NUDT14: variants seen among roughly 807,000 people sequenced by gnomAD.
NUDT14 encodes nudix hydrolase 14.
In NUDT14, 22 loss-of-function variants were observed where a neutral mutation model predicts 17.5. The observed-to-expected ratio is 1.26, with a 90% CI of 0.90 to 1.80. The LOEUF (loss-of-function observed/expected upper bound fraction) is 1.80. Among genes scored for constraint, NUDT14 ranks in the 40% most tolerant of loss-of-function variants. NUDT14 has a pLI of 0.00. For missense variants in NUDT14, 296 were observed against 295.6 expected, an observed-to-expected ratio of 1.00 and a Z score of -0.01; for synonymous variants, 129 against 125.8, an observed-to-expected ratio of 1.03 and a Z score of -0.17.
In NUDT14 at chr14:105,172,959, T is replaced by G. The variant is rs762510869; in HGVS notation, c.*62A>C. 184 of 1,429,554 alleles carry G rather than the reference T, an allele frequency of 1.3e-4. No homozygotes were observed. The highest frequency in any genetic ancestry group is 1.6e-4 in the Non-Finnish European group (175 of 1,087,548). The allele number at this position is 1,429,554 out of a possible 1,614,324, so 88.6% of individuals were successfully genotyped here. On this transcript the variant is annotated 3_prime_UTR_variant, in exon 5 of 5. Transcript: ENST00000392568. ...GAAGCTGGAGCTATGCAAGCCTTTA[T>G]TGGGGTCCGCGGGGTGTGGGGTGAG...
At chr14:105,177,384 C>T (rs1889239362) in intron 2 of NUDT14, 5 of 545,882 alleles carry the variant, frequency 9.2e-6, no homozygotes, top group Non-Finnish European at 1.7e-5. Context: ...CCTCGAGCCA[C>T]GTCGCCATCC....
At chr14:105,177,853 G>A (rs1889249716) in intron 1 of NUDT14, 118 bp from the exon 2 acceptor site, 2 of 905,750 alleles carry the variant, frequency 2.2e-6, no homozygotes, top group Non-Finnish European at 3.4e-6. Context: ...CTCGTGGCCT[G>A]GGCCCACGGG....
intron 1 of NUDT14, among the ~76,000 whole-genome samples, chr14:105,178,621 C>T (rs587654855): frequency 4.3e-4 from 66 of 152,324 alleles, no homozygotes; most frequent in African/African-American, 8.2e-4. Flanking sequence ...GTCCCATCTC[C>T]GGCACGCTCA....
rs1889316043 is a variant in NUDT14, at chr14:105,181,053, G to A, written c.81+76C>T. ...GCTCCGGGGCGGGGCCGGCAGCGCG[G>A]AAGATGGTGGGCGGGGCGCGGGTCG... On this transcript the variant is annotated intron_variant, in intron 1 of 4. Coordinates refer to ENST00000392568, the MANE Select transcript of NUDT14 (RefSeq NM_177533.5). The surrounding 1 kb of genome is among the most constrained non-coding windows in gnomAD (Gnocchi z 5.0). 5 of 406,400 alleles carry A rather than the reference G, an allele frequency of 1.2e-5. No homozygotes were observed. The highest frequency in any genetic ancestry group is 1.7e-5 in the Non-Finnish European group (5 of 294,898). 25.2% of individuals were successfully genotyped at this position (406,400 alleles called of 1,614,324 possible). A position where few individuals can be genotyped will look rare whatever the true frequency, so the allele number is the denominator to read the frequency against.
chr14:105,176,670 C>A lies in NUDT14; in HGVS notation c.292G>T (p.Gly98Trp). Reference sequence around the variant, plus strand: ...CCGGCACACAGCTCAACTGTCACCCCCGCTGAGCCGGGCAGGGCTGGCTGT... The same window carrying A: ...CCGGCACACAGCTCAACTGTCACCCACGCTGAGCCGGGCAGGGCTGGCTGT... The part of the protein sequence containing the change: ...ELQPALPGSA[G>W]VTVELCAGLV... Residue 98 changes from glycine (G) to tryptophan (W), a missense_variant, in exon 4 of 5, where the codon GGG becomes TGG. Coordinates refer to ENST00000392568, the MANE Select transcript of NUDT14 (RefSeq NM_177533.5). The A allele has an allele frequency of 1.2e-6, 2 of 1,612,788 alleles. No individual in the cohort carries two copies. The highest frequency in any genetic ancestry group is 1.7e-6 in the Non-Finnish European group (2 of 1,179,990).
chr14:105,178,957 C>T lies in NUDT14; in HGVS notation c.82-1222G>A, dbSNP rs762903763. 3.3e-5 allele frequency among the ~76,000 whole-genome samples: 5 copies of T among 152,090 alleles called. No homozygotes were observed. The South Asian group carries it at 1.0e-3, about 31-fold the overall frequency. ...GCCCGAGAGGCCGTGGGGTACCACT[C>T]CCGGGAGGCGACCCCAGGCCTGCCT... On this transcript the variant is annotated intron_variant, in intron 1 of 4. Transcript: ENST00000392568.
rs920797778 is a variant in NUDT14, at chr14:105,181,289, G to T, written c.-80C>A. 7.9e-5 allele frequency: 48 copies of T among 609,574 alleles called. No individual in the cohort carries two copies. The African/African-American group carries it at 9.7e-4, about 12-fold the overall frequency. The allele number at this position is 609,574 out of a possible 1,614,324, so 37.8% of individuals were successfully genotyped here. A position where few individuals can be genotyped will look rare whatever the true frequency, so the allele number is the denominator to read the frequency against. On this transcript the variant is annotated 5_prime_UTR_variant, in exon 1 of 5. Coordinates refer to ENST00000392568, the MANE Select transcript of NUDT14 (RefSeq NM_177533.5). The surrounding 1 kb of genome is among the most constrained non-coding windows in gnomAD (Gnocchi z 5.0). Reference sequence around the variant, plus strand: ...GCGCCCTGTCCCGACAGGAGCCTTCGGGCGGGCGCGTGACCGCGGCTCTGA... The same window carrying T: ...GCGCCCTGTCCCGACAGGAGCCTTCTGGCGGGCGCGTGACCGCGGCTCTGA...
At chr14:105,180,362 G>A (rs1218338662) in intron 1 of NUDT14, among the ~76,000 whole-genome samples, 4 of 152,202 alleles carry the variant, frequency 2.6e-5, no homozygotes, top group Admixed American at 6.5e-5. Context: ...CTACTGGGGC[G>A]GGGGCTGAGG....
intron 1 of NUDT14, among the ~76,000 whole-genome samples, chr14:105,180,840 A>T (rs1370264568): frequency 6.6e-6 from 1 of 152,176 alleles, no homozygotes; most frequent in Non-Finnish European, 1.5e-5. Flanking sequence ...TTCCACTGCC[A>T]AGAGGGTCGG....
Position 105,172,958 on chromosome 14 carries a change from A to T in NUDT14, c.*63T>A. On this transcript the variant is annotated 3_prime_UTR_variant, in exon 5 of 5. Coordinates refer to ENST00000392568, the MANE Select transcript of NUDT14 (RefSeq NM_177533.5). ...AGAAGCTGGAGCTATGCAAGCCTTT[A>T]TTGGGGTCCGCGGGGTGTGGGGTGA... is the stretch of plus-strand genomic sequence containing the variant. 7.0e-7 allele frequency: 1 copy of T among 1,428,108 alleles called. No homozygotes were observed. The highest frequency in any genetic ancestry group is 9.2e-7 in the Non-Finnish European group (1 of 1,087,054). The allele number at this position is 1,428,108 out of a possible 1,614,324, so 88.5% of individuals were successfully genotyped here. A position where few individuals can be genotyped will look rare whatever the true frequency, so the allele number is the denominator to read the frequency against.
In NUDT14 at chr14:105,177,011, A is replaced by C; in HGVS notation, c.142T>G (p.Phe48Val). 6.2e-7 allele frequency: 1 copy of C among 1,611,946 alleles called. No homozygotes were observed. Among genetic ancestry groups the C allele is most frequent in the Non-Finnish European group, 8.5e-7 (1 of 1,179,790 alleles). ...ACCAGGCTCCTCCGAGAAGAGTTGA[A>C]TAAGAGAACGGTCACGCTGTGTACG... ...KTHDSVTVLLFNSSRRSLVLV... is the reference protein window; with the variant it reads ...KTHDSVTVLLVNSSRRSLVLV... The change falls in exon 3 of 5, where the codon TTC (phenylalanine) becomes GTC (valine). Residue 48 changes from phenylalanine (F) to valine (V), a missense_variant. By Grantham distance (50) the Phe-to-Val change is conservative. Coordinates refer to ENST00000392568, the MANE Select transcript of NUDT14 (RefSeq NM_177533.5).
chr14:105,177,304 G>A (rs1270740551), intron 2 of NUDT14: 1 of 605,646 alleles, frequency 1.7e-6, no homozygotes, highest in Admixed American at 2.5e-5. Context: ...AGGTCAGGGT[G>A]CTCGCAGCTG....
chr14:105,178,370 A>G (rs1205944352), intron 1 of NUDT14, among the ~76,000 whole-genome samples: 1 of 151,722 alleles, frequency 6.6e-6, no homozygotes, highest in African/African-American at 2.4e-5. Flanking sequence ...CCCTACCCCC[A>G]GTTTCTGGCC....
chr14:105,180,942 G>A (rs1889312159), intron 1 of NUDT14, among the ~76,000 whole-genome samples, 187 bp downstream of exon 1: 1 of 152,060 alleles, frequency 6.6e-6, no homozygotes, highest in Non-Finnish European at 1.5e-5. Flanking sequence ...CCCCTCCCCG[G>A]CCTGGGGGCT....
chr14:105,180,626 C>T (rs1253075393), intron 1 of NUDT14, among the ~76,000 whole-genome samples: 1 of 152,038 alleles, frequency 6.6e-6, no homozygotes, highest in Non-Finnish European at 1.5e-5. Flanking sequence ...AAGGAGGTGC[C>T]CTCCCTGGAA....
At chr14:105,177,358 G>A in intron 2 of NUDT14, 1 of 549,630 alleles carries the variant, frequency 1.8e-6, no homozygotes, top group South Asian at 2.0e-5. Flanking sequence ...CTGAGCAGCT[G>A]CCCACCAGCC....
At chr14:105,175,668 G>A (rs1889197886) in intron 4 of NUDT14, 1 of 975,914 alleles carries the variant, frequency 1.0e-6, no homozygotes, top group Non-Finnish European at 1.2e-6. Context: ...CCAAAGTGCT[G>A]GGATTACAGG....
chr14:105,178,073 C>A (rs1390910636), intron 1 of NUDT14, among the ~76,000 whole-genome samples: 2 of 152,110 alleles, frequency 1.3e-5, no homozygotes, highest in East Asian at 3.9e-4. Context: ...TAGGAAGGCT[C>A]ATGGAGGCTC....
At chr14:105,175,868 G>A (rs1057384192) in intron 4 of NUDT14, 5 of 1,118,314 alleles carry the variant, frequency 4.5e-6, no homozygotes, top group South Asian at 1.8e-5. Flanking sequence ...CCAGTGGAGC[G>A]GGCCCTGGCC....
Sources: gnomAD v4.1 joint callset for allele counts (sites outside exome capture counted in the v4.1 genomes callset) on GRCh38, gnomAD v4.1.1 for gene constraint, Gnocchi (gnomAD v3.1) non-coding constraint, MANE v1.5 for transcripts, NCBI Gene and HGNC (gene_info 2026-07-23, HGNC 2026-07-21) for gene names.